ST6GALNAC5: variants seen among roughly 807,000 people sequenced by gnomAD.
ST6GALNAC5 encodes the protein alpha-N-acetylgalactosaminide alpha-2,6-sialyltransferase 5.
In ST6GALNAC5, 27 loss-of-function variants were observed where a neutral mutation model predicts 33.6. That is an observed-to-expected ratio of 0.80 (90% CI 0.59 to 1.11). ST6GALNAC5 has a LOEUF of 1.11. ST6GALNAC5 is among the 50% of genes least tolerant of loss of function. ST6GALNAC5 has a pLI of 0.00. For missense variants in ST6GALNAC5, 428 were observed against 454.0 expected, an observed-to-expected ratio of 0.94 and a Z score of 0.52; for synonymous variants, 194 against 171.2, an observed-to-expected ratio of 1.13 and a Z score of -1.04.
intron 2 of ST6GALNAC5, among the ~76,000 whole-genome samples, chr1:76,971,251 G>A (rs551012330): frequency 2.0e-4 from 31 of 152,232 alleles, no homozygotes; most frequent in African/African-American, 4.3e-4. Context: ...GTGATGCGTC[G>A]TGATGTCTTA....
intron 2 of ST6GALNAC5, among the ~76,000 whole-genome samples, chr1:76,931,627 C>T (rs978645158): frequency 6.6e-6 from 1 of 152,090 alleles, no homozygotes; most frequent in Non-Finnish European, 1.5e-5. Context: ...ACACCAAAGA[C>T]TTTAGGTTGG....
Position 77,044,646 on chromosome 1 carries a change from G to A in ST6GALNAC5, c.671+33G>A, listed in dbSNP as rs775937790. 2.6e-6 allele frequency: 4 copies of A among 1,516,644 alleles called. No homozygotes were observed. In the African/African-American group the frequency reaches 4.2e-5, roughly 16 times the overall value. The allele number at this position is 1,516,644 out of a possible 1,614,324, so 93.9% of individuals were successfully genotyped here. ...GGCACAGGGAAGAAGATGCAGGGGAGGGTGAGGATAAGTCATCACTGGCTG... is the reference window on the plus strand; with the variant it reads ...GGCACAGGGAAGAAGATGCAGGGGAAGGTGAGGATAAGTCATCACTGGCTG... On this transcript the variant is annotated intron_variant, in intron 3 of 4. Transcript: ENST00000477717.
At chr1:77,058,740 T>G (rs951010113) in intron 4 of ST6GALNAC5, among the ~76,000 whole-genome samples, 1 of 152,214 alleles carries the variant, frequency 6.6e-6, no homozygotes, top group African/African-American at 2.4e-5. Context: ...AGTGAGTGTA[T>G]GTGGAGTGCT....
chr1:76,983,745 G>A (rs1205521513), intron 2 of ST6GALNAC5, among the ~76,000 whole-genome samples: 1 of 152,146 alleles, frequency 6.6e-6, no homozygotes, highest in Non-Finnish European at 1.5e-5. Context: ...TTCCAAAATT[G>A]ACCACATAGT....
rs77102113 is a variant in ST6GALNAC5 at position 77,007,693 on chromosome 1, A to T, written c.262-36511A>T. On this transcript the variant is annotated intron_variant, in intron 2 of 4. Coordinates refer to ENST00000477717, the MANE Select transcript of ST6GALNAC5 (RefSeq NM_030965.3). ...CAGGTATTTAAATGCCAGAAGGCAG[A>T]TGCAAACCTGTGGGAGGATATTAGG... Among the ~76,000 whole-genome samples the T allele has an allele frequency of 1.4e-3, 208 of 152,368 alleles. 5 individuals carry two copies. In the East Asian group the frequency reaches 0.037, roughly 27 times the overall value.
At chr1:76,923,840 C>T (rs58563308) in intron 2 of ST6GALNAC5, among the ~76,000 whole-genome samples, 5,556 of 152,230 alleles carry the variant, frequency 0.036, 349 homozygotes, top group African/African-American at 0.13. Flanking sequence ...CTTCATATCA[C>T]ATCTCGTACA....
chr1:77,031,780 A>T lies in ST6GALNAC5; in HGVS notation c.262-12424A>T, dbSNP rs146628100. The stretch of plus-strand genomic sequence containing the variant: ...TTAGTTATTTGTACAGCAAATATAT[A>T]GTGAGTACCTACTGTGTATTAGGTC... On this transcript the variant is annotated intron_variant, in intron 2 of 4. Transcript: ENST00000477717. 5.8e-3 allele frequency among the ~76,000 whole-genome samples: 878 copies of T among 152,330 alleles called. 7 individuals are homozygous for T. Among genetic ancestry groups the T allele is most frequent in the African/African-American group, 0.02 (824 of 41,568 alleles).
intron 2 of ST6GALNAC5, among the ~76,000 whole-genome samples, chr1:77,026,027 T>C (rs1394928619): frequency 6.6e-6 from 1 of 152,254 alleles, no homozygotes; most frequent in Non-Finnish European, 1.5e-5. Flanking sequence ...GAAGAGGAAC[T>C]GACTGTAAGT....
At position 77,017,405 on chromosome 1, in the gene ST6GALNAC5, A is replaced by G. The variant is rs145956516; in HGVS notation, c.262-26799A>G. ...TTAGGGGGTGCAAATACAAATGCCT[A>G]GGGGAACCAGGAAGGAGCTCTCCAT... On this transcript the variant is annotated intron_variant, in intron 2 of 4. Coordinates refer to ENST00000477717, the MANE Select transcript of ST6GALNAC5 (RefSeq NM_030965.3). 2.5e-3 allele frequency among the ~76,000 whole-genome samples: 385 copies of G among 152,244 alleles called. 3 individuals carry two copies. Among genetic ancestry groups the G allele is most frequent in the African/African-American group, 8.8e-3 (367 of 41,540 alleles).
At position 76,973,206 on chromosome 1, in the gene ST6GALNAC5, T is replaced by C. The variant is rs145807089; in HGVS notation, c.262-70998T>C. Among the ~76,000 whole-genome samples, 519 of 152,104 alleles carry C rather than the reference T, an allele frequency of 3.4e-3. 3 individuals are homozygous for C. Among genetic ancestry groups the C allele is most frequent in the African/African-American group, 0.011 (470 of 41,528 alleles). The stretch of plus-strand genomic sequence containing the variant: ...ATAATTCCTACAGTGTTTGTCAGTG[T>C]TCTTCAGACAAACAGAACCAATAAG... On this transcript the variant is annotated intron_variant, in intron 2 of 4. Coordinates refer to ENST00000477717, the MANE Select transcript of ST6GALNAC5 (RefSeq NM_030965.3).
At chr1:76,878,564 C>T (rs530675224) in intron 2 of ST6GALNAC5, among the ~76,000 whole-genome samples, 10 of 152,026 alleles carry the variant, frequency 6.6e-5, no homozygotes, top group Non-Finnish European at 7.4e-5. Flanking sequence ...AAAAGGCTGG[C>T]GATCTCCTGG....
intron 2 of ST6GALNAC5, among the ~76,000 whole-genome samples, chr1:76,932,956 T>A (rs1055155327): frequency 2.0e-5 from 3 of 152,150 alleles, no homozygotes; most frequent in Non-Finnish European, 4.4e-5. Flanking sequence ...GTTGGAAATA[T>A]ATTTTCAGTC....
chr1:77,030,936 C>T (rs889593942), intron 2 of ST6GALNAC5, among the ~76,000 whole-genome samples: 6 of 152,168 alleles, frequency 3.9e-5, no homozygotes, highest in Non-Finnish European at 5.9e-5. Context: ...GCAGAGTCAG[C>T]GGAGTGAAGG....
intron 2 of ST6GALNAC5, among the ~76,000 whole-genome samples, chr1:77,022,759 T>A (rs1430117944): frequency 2.6e-5 from 4 of 152,238 alleles, no homozygotes; most frequent in Non-Finnish European, 5.9e-5. Flanking sequence ...CCAATTTTGT[T>A]CTCACCTCTG....
intron 2 of ST6GALNAC5, among the ~76,000 whole-genome samples, chr1:77,007,825 T>C (rs145463254): frequency 3.8e-4 from 58 of 152,322 alleles, no homozygotes; most frequent in African/African-American, 1.4e-3. Context: ...ACAAGACTGA[T>C]GGATTCGCTT....
At chr1:76,990,959 GGA>G (rs938984150) in intron 2 of ST6GALNAC5, among the ~76,000 whole-genome samples, 2 of 152,072 alleles carry the variant, frequency 1.3e-5, no homozygotes, top group Non-Finnish European at 2.9e-5. Context: ...TAGGGCTTCT[GGA>G]AAGGAGCTTC....
intron 2 of ST6GALNAC5, among the ~76,000 whole-genome samples, chr1:76,897,621 T>TA (rs1646761690): frequency 6.7e-6 from 1 of 149,778 alleles, no homozygotes; most frequent in South Asian, 2.1e-4. Context: ...TGGGTTAAGG[T>TA]GGGGGGATAC....
intron 2 of ST6GALNAC5, among the ~76,000 whole-genome samples, chr1:76,952,627 A>G (rs1330938838): frequency 6.6e-6 from 1 of 152,152 alleles, no homozygotes; most frequent in Admixed American, 6.6e-5. Context: ...ACTGTCCATC[A>G]TGTGTATTGC....
chr1:76,998,228 CA>C (rs1287153943), intron 2 of ST6GALNAC5, among the ~76,000 whole-genome samples: 1 of 151,752 alleles, frequency 6.6e-6, no homozygotes, highest in Non-Finnish European at 1.5e-5. Flanking sequence ...AAAACATACC[CA>C]AAAAATGAAA....
Sources: allele counts gnomAD v4.1 joint callset (sites outside exome capture counted in the v4.1 genomes callset), GRCh38; gene constraint gnomAD v4.1.1; transcripts MANE v1.5; gene names NCBI Gene and HGNC (gene_info 2026-07-23, HGNC 2026-07-21).